Variants in ARNT observed in about 807,000 individuals in gnomAD.
ARNT encodes class E basic helix-loop-helix protein 2.
ARNT carries 30 observed loss-of-function variants against 105.0 expected under a neutral mutation model. That is an observed-to-expected ratio of 0.29 (90% CI 0.21 to 0.39). The LOEUF (loss-of-function observed/expected upper bound fraction) is 0.39. Ranked by LOEUF, ARNT falls within the 10% of genes least tolerant of loss-of-function variation. The pLI is 1.00. For synonymous variants in ARNT, 304 were observed against 344.0 expected, an observed-to-expected ratio of 0.88 and a Z score of 1.29; for missense variants, 748 against 978.7, an observed-to-expected ratio of 0.76 and a Z score of 3.15.
chr1:150,876,510 C>T lies in ARNT; in HGVS notation c.25+33G>A, dbSNP rs147260436. The stretch of plus-strand genomic sequence containing the variant: ...GTTGTCAGCCCCTTCGGCCCCTCCC[C>T]TTTAGAGGCGCCCCAGTCCTCCGTC... On this transcript the variant is annotated intron_variant, in intron 1 of 21. Coordinates refer to ENST00000358595, the MANE Select transcript of ARNT (RefSeq NM_001668.4). 116 of 1,549,584 alleles carry T rather than the reference C, an allele frequency of 7.5e-5. No homozygotes were observed. In the East Asian group the frequency reaches 2.8e-3, roughly 37 times the overall value.
At chr1:150,850,172 G>A (rs1322401227) in intron 3 of ARNT, among the ~76,000 whole-genome samples, 1 of 152,158 alleles carries the variant, frequency 6.6e-6, no homozygotes, top group African/African-American at 2.4e-5. Flanking sequence ...CGGATCACGA[G>A]GTCAAGAGAT....
At chr1:150,824,641 G>C (rs1030614238) in intron 13 of ARNT, among the ~76,000 whole-genome samples, 2 of 151,596 alleles carry the variant, frequency 1.3e-5, no homozygotes, top group Non-Finnish European at 2.9e-5. Context: ...TTTTAGTAGA[G>C]ACGGGTTTTC....
chr1:150,841,767 C>A (rs1367017655), intron 5 of ARNT, among the ~76,000 whole-genome samples: 1 of 152,210 alleles, frequency 6.6e-6, no homozygotes, highest in Non-Finnish European at 1.5e-5. Context: ...TTTAGTTACA[C>A]TTTGCCTAAG....
chr1:150,857,841 T>C (rs1411192118), intron 2 of ARNT, among the ~76,000 whole-genome samples: 1 of 152,222 alleles, frequency 6.6e-6, no homozygotes, highest in Non-Finnish European at 1.5e-5. Context: ...GACTGTGTCT[T>C]ATTCATCTTT....
chr1:150,871,637 T>C (rs1003474093), intron 1 of ARNT, among the ~76,000 whole-genome samples: 2 of 145,888 alleles, frequency 1.4e-5, no homozygotes, highest in African/African-American at 2.5e-5. Context: ...CGGCGGAGCA[T>C]GGCGGCTCAC....
chr1:150,868,629 C>T (rs1198104549), intron 1 of ARNT, among the ~76,000 whole-genome samples: 8 of 151,306 alleles, frequency 5.3e-5, no homozygotes, highest in African/African-American at 9.7e-5. Context: ...AGGCCGGGCG[C>T]GGTGGCTCAC....
chr1:150,851,412 T>C (rs1447769875), intron 3 of ARNT, among the ~76,000 whole-genome samples: 2 of 152,218 alleles, frequency 1.3e-5, no homozygotes, highest in Non-Finnish European at 2.9e-5. Flanking sequence ...TTTTGTCGAA[T>C]AGAAAAGGGG....
At chr1:150,845,707 C>T (rs1662076488) in intron 4 of ARNT, among the ~76,000 whole-genome samples, 1 of 151,782 alleles carries the variant, frequency 6.6e-6, no homozygotes, top group Admixed American at 6.6e-5. Flanking sequence ...TTCAAGATCA[C>T]CCTGACCAAC....
intron 19 of ARNT, 34 bp from the exon 20 acceptor site, chr1:150,814,273 TACAGC>T (rs772934181): frequency 1.9e-6 from 3 of 1,604,664 alleles, no homozygotes. Flanking sequence ...ATAGAACAAA[TACAGC>T]ATTAACATCA....
chr1:150,868,267 C>T (rs986805677), intron 1 of ARNT, among the ~76,000 whole-genome samples: 1 of 151,860 alleles, frequency 6.6e-6, no homozygotes, highest in Non-Finnish European at 1.5e-5. Context: ...CCAACGTGGG[C>T]AACATAGCAA....
At chr1:150,835,643 C>G (rs1660184429) in intron 7 of ARNT, among the ~76,000 whole-genome samples, 2 of 152,126 alleles carry the variant, frequency 1.3e-5, no homozygotes, top group Non-Finnish European at 2.9e-5. Context: ...ATCAACAACA[C>G]TAATATGAGT....
At chr1:150,827,342 T>C (rs1658495544) in intron 12 of ARNT, among the ~76,000 whole-genome samples, 1 of 152,178 alleles carries the variant, frequency 6.6e-6, no homozygotes, top group Non-Finnish European at 1.5e-5. Flanking sequence ...CTGCTCCCAC[T>C]CCAACTCCCC....
intron 1 of ARNT, among the ~76,000 whole-genome samples, chr1:150,864,551 G>T: frequency 7.3e-6 from 1 of 137,776 alleles, no homozygotes; most frequent in South Asian, 2.3e-4. Flanking sequence ...TCATAGGTGG[G>T]AACTGAACAA....
chr1:150,871,798 C>G lies in ARNT; in HGVS notation c.25+4745G>C, dbSNP rs587661341. Among the ~76,000 whole-genome samples, 5 of 147,916 alleles carry G rather than the reference C, an allele frequency of 3.4e-5. No homozygotes were observed. The East Asian group carries it at 1.0e-3, about 31-fold the overall frequency. ...TGGCAGGTGCCTGTAATCCCAGCTA[C>G]TCGGGAGGCTGAGGCGGGAGAATAG... On this transcript the variant is annotated intron_variant, in intron 1 of 21. Transcript: ENST00000358595.
At chr1:150,829,875 G>A in intron 11 of ARNT, 29 bp downstream of exon 11, 1 of 1,609,854 alleles carries the variant, frequency 6.2e-7, no homozygotes, top group Non-Finnish European at 8.5e-7. Context: ...AATTGAACGG[G>A]AATATAGATG....
chr1:150,838,828 T>C (rs1035619732), intron 6 of ARNT, among the ~76,000 whole-genome samples: 2 of 152,232 alleles, frequency 1.3e-5, no homozygotes, highest in Non-Finnish European at 1.5e-5. Context: ...AGTATGTCTA[T>C]CTAGTCCCAC....
Position 150,836,447 on chromosome 1 carries a change from A to G in ARNT, c.533T>C (p.Ile178Thr). Reference protein sequence around the residue: ...ILEAADGFLFIVSCETGRVVY... With the variant: ...ILEAADGFLFTVSCETGRVVY... Reference sequence around the variant, plus strand: ...CACCCTGCCTGTCTCACATGAGACAATAAACAGAAAGCCATCTGCTGCCTC... The same window carrying G: ...CACCCTGCCTGTCTCACATGAGACAGTAAACAGAAAGCCATCTGCTGCCTC... The change falls in exon 7 of 22, where the codon ATT (isoleucine) becomes ACT (threonine). Residue 178 changes from isoleucine to threonine, a missense_variant. Ile to Thr is a moderately conservative substitution (Grantham distance 89, BLOSUM62 -1). Coordinates refer to ENST00000358595, the MANE Select transcript of ARNT (RefSeq NM_001668.4). 1 of 1,614,194 alleles carries G rather than the reference A, an allele frequency of 6.2e-7. No homozygotes were observed. The highest frequency in any genetic ancestry group is 8.5e-7 in the Non-Finnish European group (1 of 1,180,032).
At position 150,823,190 on chromosome 1, in the gene ARNT, A is replaced by G; in HGVS notation, c.1394+4T>C. ...GTTTTTTCACACTCCTGTATAATACATACTTCACATTGGTGTTGGTACAGA... is the reference window on the plus strand; with the variant it reads ...GTTTTTTCACACTCCTGTATAATACGTACTTCACATTGGTGTTGGTACAGA... On this transcript the variant is annotated splice_donor_region_variant and intron_variant, in intron 14 of 21. Transcript: ENST00000358595. The G allele has an allele frequency of 1.2e-6, 2 of 1,602,768 alleles. No homozygotes were observed. The highest frequency in any genetic ancestry group is 1.7e-6 in the Non-Finnish European group (2 of 1,172,404).
chr1:150,864,618 G>C (rs1332365120), intron 1 of ARNT, among the ~76,000 whole-genome samples: 1 of 100,770 alleles, frequency 9.9e-6, no homozygotes, highest in Non-Finnish European at 2.0e-5. Flanking sequence ...GTGGTGGGGT[G>C]GGGGGAGGGG....
Sources: gnomAD v4.1 joint callset for allele counts (sites outside exome capture counted in the v4.1 genomes callset) on GRCh38, gnomAD v4.1.1 for gene constraint, MANE v1.5 for transcripts, NCBI Gene and HGNC (gene_info 2026-07-23, HGNC 2026-07-21) for gene names.